SGCG: variants seen among roughly 807,000 people sequenced by gnomAD.
SGCG encodes gamma-sarcoglycan.
A neutral mutation model predicts 29.3 loss-of-function variants in SGCG; 26 were observed. The observed-to-expected ratio is 0.89, with a 90% CI of 0.65 to 1.23. The LOEUF is 1.23. SGCG is among the 50% of genes most tolerant of loss of function. The pLI, the probability that SGCG is intolerant of heterozygous loss-of-function variation, is 0.00. For synonymous variants in SGCG, 145 were observed against 129.7 expected, an observed-to-expected ratio of 1.12 and a Z score of -0.80; for missense variants, 353 against 356.0, an observed-to-expected ratio of 0.99 and a Z score of 0.07.
chr13:23,200,785 G>A (rs1248374995), intron 1 of SGCG, among the ~76,000 whole-genome samples: 1 of 152,058 alleles, frequency 6.6e-6, no homozygotes, highest in African/African-American at 2.4e-5. Context: ...AGAGTTGAGG[G>A]GAGCCATGCA....
At chr13:23,185,745 A>G (rs1464316946) in intron 1 of SGCG, among the ~76,000 whole-genome samples, 1 of 152,230 alleles carries the variant, frequency 6.6e-6, no homozygotes, top group Admixed American at 6.5e-5. Context: ...CACCCAGTGC[A>G]CTGATAAAAC....
chr13:23,298,366 GA>G lies in SGCG; in HGVS notation c.578+2888del, dbSNP rs201035854. Among the ~76,000 whole-genome samples, 1,503 of 151,566 alleles carry G rather than the reference GA, an allele frequency of 9.9e-3. 23 individuals are homozygous for G. Among genetic ancestry groups the G allele is most frequent in the African/African-American group, 0.035 (1,428 of 41,374 alleles). On this transcript the variant is annotated intron_variant, in intron 6 of 7. Transcript: ENST00000218867. The stretch of plus-strand genomic sequence containing the variant: ...GCCAGACTCCGTCTTTTTATCAAGG[GA>G]AAAAAAAATTGTTATTATACTACAT...
intron 3 of SGCG, chr13:23,246,640 A>G: frequency 4.6e-6 from 1 of 216,846 alleles, no homozygotes; most frequent in Admixed American, 4.1e-5. Context: ...GTATTTTAAA[A>G]GCCTTACAAC....
intron 2 of SGCG, among the ~76,000 whole-genome samples, chr13:23,233,476 A>T (rs1364173660): frequency 6.6e-6 from 1 of 152,150 alleles, no homozygotes; most frequent in Non-Finnish European, 1.5e-5. Flanking sequence ...ACATATTAAA[A>T]CTTTAAAACA....
At chr13:23,309,124 T>C (rs1882463627) in intron 6 of SGCG, among the ~76,000 whole-genome samples, 2 of 152,150 alleles carry the variant, frequency 1.3e-5, no homozygotes. Context: ...GAATGGGTTC[T>C]TTTTTCTGTT....
chr13:23,167,810 C>A, the SGCG span, among the ~76,000 whole-genome samples: 1 of 151,866 alleles, frequency 6.6e-6, no homozygotes, highest in African/African-American at 2.4e-5. Context: ...CAGCTCACTG[C>A]AATCTCTGCC....
intron 2 of SGCG, among the ~76,000 whole-genome samples, chr13:23,218,094 A>G (rs1878500339): frequency 6.6e-6 from 1 of 152,184 alleles, no homozygotes; most frequent in South Asian, 2.1e-4. Context: ...GAAGTAGATT[A>G]ATGGAAGATG....
At chr13:23,258,298 T>A (rs1880278635) in intron 4 of SGCG, among the ~76,000 whole-genome samples, 1 of 152,166 alleles carries the variant, frequency 6.6e-6, no homozygotes, top group African/African-American at 2.4e-5. Context: ...TATTTTATTC[T>A]CTTTGTAGCA....
rs111870812 is a variant in SGCG, at chr13:23,297,384, G to A, written c.578+1897G>A. Among the ~76,000 whole-genome samples, 826 of 152,262 alleles carry A rather than the reference G, an allele frequency of 5.4e-3. 5 individuals are homozygous for A. The highest frequency in any genetic ancestry group is 0.019 in the African/African-American group (778 of 41,546). On this transcript the variant is annotated intron_variant, in intron 6 of 7. Coordinates refer to ENST00000218867, the MANE Select transcript of SGCG (RefSeq NM_000231.3). ...AATCAGGGGTCTCACAGCCTTCAGA[G>A]CTGACAGCCCCGAACAGAGATTTAC...
intron 4 of SGCG, among the ~76,000 whole-genome samples, chr13:23,279,079 C>A (rs1161804006): frequency 6.6e-6 from 1 of 151,950 alleles, no homozygotes; most frequent in Admixed American, 6.6e-5. Flanking sequence ...TTATTTTGGG[C>A]AAGTATTTAA....
At chr13:23,285,648 C>T (rs983500711) in intron 5 of SGCG, among the ~76,000 whole-genome samples, 1 of 152,108 alleles carries the variant, frequency 6.6e-6, no homozygotes, top group African/African-American at 2.4e-5. Flanking sequence ...CCAGGTGCCA[C>T]TGTGGTATGA....
chr13:23,222,365 C>A (rs1172499671), intron 2 of SGCG, among the ~76,000 whole-genome samples: 1 of 89,848 alleles, frequency 1.1e-5, no homozygotes, highest in Non-Finnish European at 2.3e-5. Context: ...GTTCTTTGTC[C>A]TTTTCTAAAA....
the SGCG span, among the ~76,000 whole-genome samples, chr13:23,165,111 T>G: frequency 6.6e-6 from 1 of 152,208 alleles, no homozygotes; most frequent in Non-Finnish European, 1.5e-5. Context: ...GCTACACTTA[T>G]GACTAGTTTA....
At chr13:23,194,745 G>GT (rs759052371) in intron 1 of SGCG, among the ~76,000 whole-genome samples, 223 of 152,308 alleles carry the variant, frequency 1.5e-3, no homozygotes, top group Non-Finnish European at 2.5e-3. Flanking sequence ...ACACACCTGT[G>GT]TTACTGGACA....
chr13:23,237,847 T>A (rs1879370909), intron 3 of SGCG, among the ~76,000 whole-genome samples: 2 of 147,372 alleles, frequency 1.4e-5, no homozygotes, highest in Admixed American at 6.7e-5. Context: ...AAGATCAATA[T>A]CCAACTAAAT....
chr13:23,268,043 G>A (rs1039738045), intron 4 of SGCG: 1 of 153,150 alleles, frequency 6.5e-6, no homozygotes, highest in Non-Finnish European at 1.5e-5. Context: ...AAGTTCTGCA[G>A]AAAAATGACT....
chr13:23,177,276 A>G (rs891916670), upstream of SGCG, among the ~76,000 whole-genome samples: 6 of 152,130 alleles, frequency 3.9e-5, no homozygotes, highest in Non-Finnish European at 7.4e-5. Flanking sequence ...AGAATTAGAA[A>G]GGTTTGGTGT....
intron 4 of SGCG, among the ~76,000 whole-genome samples, chr13:23,276,424 T>A (rs1433179764): frequency 8.0e-6 from 1 of 125,206 alleles, no homozygotes; most frequent in East Asian, 2.2e-4. Context: ...CTTTCTTTTT[T>A]AGTTTTCTTT....
At chr13:23,311,137 T>A (rs1411263797) in intron 6 of SGCG, among the ~76,000 whole-genome samples, 1 of 152,222 alleles carries the variant, frequency 6.6e-6, no homozygotes, top group Non-Finnish European at 1.5e-5. Flanking sequence ...CTGAGCCAGA[T>A]TTCTATCTAG....
Sources: allele counts gnomAD v4.1 joint callset (sites outside exome capture counted in the v4.1 genomes callset), GRCh38; gene constraint gnomAD v4.1.1; transcripts MANE v1.5; gene names NCBI Gene and HGNC (gene_info 2026-07-23, HGNC 2026-07-21).